ASMTL: variants seen among roughly 807,000 people sequenced by gnomAD.
ASMTL encodes probable bifunctional dTTP/UTP pyrophosphatase/methyltransferase protein.
ASMTL carries 57 observed loss-of-function variants against 60.3 expected under a neutral mutation model. That is an observed-to-expected ratio of 0.95 (90% CI 0.76 to 1.18). ASMTL has a LOEUF of 1.18. ASMTL is among the 50% of genes most tolerant of loss of function. ASMTL has a pLI of 0.00. For missense variants in ASMTL, 981 were observed against 852.6 expected (o/e 1.15, Z -1.88); for synonymous variants, 419 against 373.0 (o/e 1.12, Z -1.42).
In ASMTL at chrX:1,415,097, T is replaced by C. The variant is rs370986214; in HGVS notation, c.1523-2243A>G. ...GTGGGATTATAGGCACCCGCCACCA[T>C]GCCTGGCTAATTTCTGTAATTTTAG... is the stretch of plus-strand genomic sequence containing the variant. On this transcript the variant is annotated intron_variant, in intron 11 of 12. Coordinates refer to ENST00000381317, the MANE Select transcript of ASMTL (RefSeq NM_004192.4). Among the ~76,000 whole-genome samples the C allele has an allele frequency of 1.3e-4, 20 of 149,128 alleles. No individual in the cohort carries two copies. The East Asian group carries it at 3.0e-3, about 23-fold the overall frequency.
intron 11 of ASMTL, chrX:1,413,614 A>G (rs1296023229): frequency 3.9e-5 from 6 of 152,396 alleles, no homozygotes; most frequent in African/African-American, 1.4e-4. Flanking sequence ...CCCTTAAAAG[A>G]TATATTCAGG....
intron 12 of ASMTL, among the ~76,000 whole-genome samples, chrX:1,411,183 CAAAAA>C (rs1177614347): frequency 4.1e-5 from 6 of 145,538 alleles, no homozygotes; most frequent in South Asian, 4.4e-4. Context: ...GACTCCGTCT[CAAAAA>C]AAAAAAAGAA....
chrX:1,434,576 G>C (rs1207289213), intron 5 of ASMTL, among the ~76,000 whole-genome samples: 1 of 151,386 alleles, frequency 6.6e-6, no homozygotes, highest in East Asian at 1.9e-4. Context: ...GGCTGAGGCG[G>C]GTGGATCACC....
At position 1,410,726 on chromosome X, in the gene ASMTL, T is replaced by C. The variant is rs377569462; in HGVS notation, c.1645+2006A>G. On this transcript the variant is annotated intron_variant, in intron 12 of 12. Transcript: ENST00000381317. ...CGTGCCCGGTCTCAGAAAAAACTTC[T>C]TAAAAAATTAGCTGGGCATGGTGAT... Among the ~76,000 whole-genome samples the C allele has an allele frequency of 2.9e-3, 374 of 127,930 alleles. 2 individuals are homozygous for C. Among genetic ancestry groups the C allele is most frequent in the African/African-American group, 0.01 (358 of 34,496 alleles). 83.9% of individuals were successfully genotyped at this position (127,930 alleles called of 152,430 possible). A position where few individuals can be genotyped will look rare whatever the true frequency, so the allele number is the denominator to read the frequency against.
Position 1,452,898 on chromosome X carries a change from G to A in ASMTL, c.-58C>T. ...TCTGAGCCCGGAGCCCGCGGTGCGCGCAGCGCGGCTGCAAAAAAAACAGGC... is the reference window on the plus strand; with the variant it reads ...TCTGAGCCCGGAGCCCGCGGTGCGCACAGCGCGGCTGCAAAAAAAACAGGC... On this transcript the variant is annotated 5_prime_UTR_variant, in exon 1 of 13. Coordinates refer to ENST00000381317, the MANE Select transcript of ASMTL (RefSeq NM_004192.4). 1 of 1,340,532 alleles carries A rather than the reference G, an allele frequency of 7.5e-7. No individual in the cohort carries two copies. The highest frequency in any genetic ancestry group is 1.4e-5 in the South Asian group (1 of 72,182). 83.0% of individuals were successfully genotyped at this position (1,340,532 alleles called of 1,614,324 possible). A position where few individuals can be genotyped will look rare whatever the true frequency, so the allele number is the denominator to read the frequency against.
intron 1 of ASMTL, 69 bp downstream of exon 1, chrX:1,452,679 G>T: frequency 7.5e-7 from 1 of 1,340,070 alleles, no homozygotes; most frequent in Non-Finnish European, 1.0e-6. Context: ...GAGTTCCTGA[G>T]TCGCTGGGCC....
intron 5 of ASMTL, among the ~76,000 whole-genome samples, chrX:1,433,891 C>T (rs752231709): frequency 3.3e-5 from 5 of 152,204 alleles, no homozygotes; most frequent in Non-Finnish European, 7.4e-5. Context: ...AAAGTGCTGT[C>T]CCGAGTTCTG....
intron 1 of ASMTL, among the ~76,000 whole-genome samples, chrX:1,450,815 C>A (rs1427171741): frequency 6.8e-6 from 1 of 146,490 alleles, no homozygotes; most frequent in East Asian, 2.0e-4. Flanking sequence ...CTTTCCCCAC[C>A]CACATCCCTA....
chrX:1,441,892 A>T (rs2091117566), intron 2 of ASMTL: 1 of 378,040 alleles, frequency 2.6e-6, no homozygotes, highest in Non-Finnish European at 4.8e-6. Context: ...AAATTATTAT[A>T]ACACATAGTA....
intron 9 of ASMTL, among the ~76,000 whole-genome samples, chrX:1,419,497 C>G (rs1350713729): frequency 6.6e-6 from 1 of 152,118 alleles, no homozygotes; most frequent in Non-Finnish European, 1.5e-5. Flanking sequence ...CTGCAGGTGC[C>G]CCGGCTCAGC....
intron 9 of ASMTL, among the ~76,000 whole-genome samples, chrX:1,420,306 TCTATCTCC>T: frequency 6.6e-6 from 1 of 151,980 alleles, no homozygotes; most frequent in African/African-American, 2.4e-5. Flanking sequence ...TCTGTCTCCC[TCTATCTCC>T]CTGTCTCTGT....
chrX:1,450,186 C>G (rs1167872311), intron 1 of ASMTL, among the ~76,000 whole-genome samples: 3 of 152,014 alleles, frequency 2.0e-5, no homozygotes, highest in Non-Finnish European at 4.4e-5. Flanking sequence ...CCCCCCATCA[C>G]AAGTAACTAT....
chrX:1,404,545 T>C lies in ASMTL; in HGVS notation c.1646-1056A>G, dbSNP rs182132754. Among the ~76,000 whole-genome samples the C allele has an allele frequency of 4.7e-3, 713 of 151,180 alleles. 8 individuals are homozygous for C. The highest frequency in any genetic ancestry group is 0.016 in the African/African-American group (676 of 41,038). ...ATGGTTAGGTAAGTAGGTAGATGAA[T>C]GGATGGATAGATGGATGCATGCATG... On this transcript the variant is annotated intron_variant, in intron 12 of 12. Coordinates refer to ENST00000381317, the MANE Select transcript of ASMTL (RefSeq NM_004192.4).
intron 9 of ASMTL, 53 bp from the exon 10 acceptor site, chrX:1,419,167 C>T (rs2090404355): frequency 5.7e-6 from 9 of 1,592,770 alleles, no homozygotes; most frequent in East Asian, 2.3e-5. Flanking sequence ...CGAGGGCTCG[C>T]CCAGCCTCTC....
rs768745006 is a variant in ASMTL at position 1,435,548 on chromosome X, TAGCTCAGACAGCAC to T, written c.338+132_338+145del. On this transcript the variant is annotated intron_variant, in intron 4 of 12. Coordinates refer to ENST00000381317, the MANE Select transcript of ASMTL (RefSeq NM_004192.4). The stretch of plus-strand genomic sequence containing the variant: ...GAGGGATAGTGCCTGCCTCCCTGCA[TAGCTCAGACAGCAC>T]AGCTCAGACAGCACAGCTCAGACGG... 375 of 757,400 alleles carry T rather than the reference TAGCTCAGACAGCAC, an allele frequency of 5.0e-4. 1 individual carries two copies. Among genetic ancestry groups the T allele is most frequent in the East Asian group, 8.0e-4 (30 of 37,382 alleles). 46.9% of individuals were successfully genotyped at this position (757,400 alleles called of 1,614,324 possible).
At chrX:1,412,288 C>T (rs1158955741) in intron 12 of ASMTL, among the ~76,000 whole-genome samples, 6 of 152,062 alleles carry the variant, frequency 3.9e-5, no homozygotes, top group African/African-American at 7.2e-5. Flanking sequence ...AGTGCAGTGG[C>T]GCGATCTCGG....
At chrX:1,418,229 T>C in intron 10 of ASMTL, 113 bp from the exon 11 acceptor site, 1 of 1,278,682 alleles carries the variant, frequency 7.8e-7, no homozygotes, top group South Asian at 1.5e-5. Context: ...TTGATTCCCA[T>C]GCTGGAAGGG....
chrX:1,433,440 C>T lies in ASMTL; in HGVS notation c.401-1063G>A, dbSNP rs1350008447. On this transcript the variant is annotated intron_variant, in intron 5 of 12. Transcript: ENST00000381317. ...CAGCACTTTGGGAGGCCGAGGCGGG[C>T]GGATCACAAGGTCAGGAGATCGAGA... Among the ~76,000 whole-genome samples the T allele has an allele frequency of 1.7e-3, 230 of 137,474 alleles. 2 individuals are homozygous for T. The highest frequency in any genetic ancestry group is 4.6e-3 in the Admixed American group (57 of 12,438). 90.2% of individuals were successfully genotyped at this position (137,474 alleles called of 152,430 possible).
At chrX:1,452,643 G>T in intron 1 of ASMTL, 105 bp downstream of exon 1, 1 of 920,008 alleles carries the variant, frequency 1.1e-6, no homozygotes, top group Non-Finnish European at 1.6e-6. Flanking sequence ...TAAGGGTCTC[G>T]GGTCACTCTC....
Sources: gnomAD v4.1 joint callset for allele counts (sites outside exome capture counted in the v4.1 genomes callset) on GRCh38, gnomAD v4.1.1 for gene constraint, MANE v1.5 for transcripts, NCBI Gene and HGNC (gene_info 2026-07-23, HGNC 2026-07-21) for gene names.